The following SOD2 variants were observed in gnomAD, a reference collection of about 807,000 sequenced individuals.
SOD2 encodes superoxide dismutase 2, also known as superoxide dismutase [Mn], mitochondrial.
Under a neutral mutation model 27.0 loss-of-function variants are expected in SOD2, and 11 were observed. The ratio of observed to expected loss-of-function variants is 0.41; its 90% CI spans 0.26 to 0.67. The LOEUF (loss-of-function observed/expected upper bound fraction) is 0.67, where lower values mean the gene tolerates loss of function less well. Ranked by LOEUF, SOD2 falls within the 30% of genes least tolerant of loss-of-function variation. The probability of loss-of-function intolerance (pLI) is 0.34; values close to 1 mark genes in which losing one functional copy is unlikely to be tolerated. For synonymous variants in SOD2, 105 were observed against 103.0 expected (o/e 1.02, Z -0.12); for missense variants, 250 against 274.5 (o/e 0.91, Z 0.63).
intron 1 of SOD2, chr6:159,755,324 GACTT>G: frequency 6.2e-7 from 1 of 1,614,236 alleles, no homozygotes; most frequent in Non-Finnish European, 8.5e-7. Context: ...AACCGAAGAT[GACTT>G]TCCTTCTTCT....
chr6:159,710,736 ACCACCATAACCACCAC>A (rs1562436342), intron 1 of SOD2, among the ~76,000 whole-genome samples: 4 of 150,326 alleles, frequency 2.7e-5, no homozygotes, highest in African/African-American at 9.8e-5. Context: ...CACTGCTCTG[ACCACCATAACCACCAC>A]TCATACTGCT....
intron 1 of SOD2, chr6:159,742,027 T>G (rs535964715): frequency 1.7e-6 from 2 of 1,173,184 alleles, no homozygotes; most frequent in South Asian, 2.7e-5. Context: ...ATAGATATCT[T>G]CTAGTTTATT....
chr6:159,760,066 G>A (rs1780091432), intron 1 of SOD2, among the ~76,000 whole-genome samples: 1 of 152,178 alleles, frequency 6.6e-6, no homozygotes, highest in Admixed American at 6.5e-5. Context: ...GAATTACATG[G>A]TAAGTTGAAA....
chr6:159,740,541 C>A (rs749943091), intron 1 of SOD2, among the ~76,000 whole-genome samples: 1 of 152,226 alleles, frequency 6.6e-6, no homozygotes, highest in African/African-American at 2.4e-5. Context: ...TCTTTTATAG[C>A]CTCCACTGAA....
chr6:159,696,315 A>G (rs1777420742), upstream of SOD2, among the ~76,000 whole-genome samples: 1 of 151,864 alleles, frequency 6.6e-6, no homozygotes. Flanking sequence ...GTCTCCCCCA[A>G]CCTTTTTTTA....
chr6:159,732,168 A>G (rs1274489421), upstream of SOD2, among the ~76,000 whole-genome samples: 2 of 152,086 alleles, frequency 1.3e-5, no homozygotes, highest in Non-Finnish European at 1.5e-5. Context: ...AGTTTGATTG[A>G]AAAAAATCCA....
chr6:159,753,896 A>G (rs889655182), intron 1 of SOD2, among the ~76,000 whole-genome samples: 1 of 152,216 alleles, frequency 6.6e-6, no homozygotes, highest in East Asian at 1.9e-4. Context: ...GTGTTGTATT[A>G]CTTAACAAGA....
At chr6:159,753,249 T>A (rs1330818179) in intron 1 of SOD2, 1 of 619,656 alleles carries the variant, frequency 1.6e-6, no homozygotes, top group Non-Finnish European at 2.7e-6. Flanking sequence ...GTTTGGGCAC[T>A]TTTTGTTTAG....
chr6:159,733,271 T>A (rs750273783), intron 1 of SOD2, among the ~76,000 whole-genome samples: 2 of 152,198 alleles, frequency 1.3e-5, no homozygotes, highest in Non-Finnish European at 2.9e-5. Context: ...TACAATTAGC[T>A]CAGAAACAAA....
intron 1 of SOD2, among the ~76,000 whole-genome samples, chr6:159,752,644 A>G (rs961698486): frequency 5.9e-5 from 9 of 151,842 alleles, no homozygotes; most frequent in Non-Finnish European, 1.2e-4. Flanking sequence ...CTTTTCCAAT[A>G]AAGTCTTAAG....
chr6:159,704,575 G>A (rs1777585931), intron 1 of SOD2, among the ~76,000 whole-genome samples: 1 of 152,228 alleles, frequency 6.6e-6, no homozygotes, highest in South Asian at 2.1e-4. Context: ...GTGAGGCTAG[G>A]GGAGGGGCGC....
At chr6:159,710,395 G>C (rs1289817906) in intron 1 of SOD2, among the ~76,000 whole-genome samples, 1 of 151,878 alleles carries the variant, frequency 6.6e-6, no homozygotes, top group Non-Finnish European at 1.5e-5. Context: ...GTTGCAGTGA[G>C]CCAAGATCGT....
chr6:159,698,143 C>T (rs531435297), upstream of SOD2, among the ~76,000 whole-genome samples: 31 of 152,028 alleles, frequency 2.0e-4, no homozygotes, highest in Non-Finnish European at 2.6e-4. Context: ...CGTGGTGGCA[C>T]GCACCTGTAG....
Position 159,674,148 on chromosome 6 carries a change from G to A in SOD2, c.*8345C>T, listed in dbSNP as rs1463877780. 1 of 152,198 alleles carries A rather than the reference G, an allele frequency of 6.6e-6. No homozygotes were observed. The highest frequency in any genetic ancestry group is 1.5e-5 in the Non-Finnish European group (1 of 68,058). 9.4% of individuals were successfully genotyped at this position (152,198 alleles called of 1,614,324 possible). A position where few individuals can be genotyped will look rare whatever the true frequency, so the allele number is the denominator to read the frequency against. ...AAGTCCAGGACAAGATGGATTCACAGCCGAATTCTACCAGAGGTACAAGGA... is the reference window on the plus strand; with the variant it reads ...AAGTCCAGGACAAGATGGATTCACAACCGAATTCTACCAGAGGTACAAGGA... On this transcript the variant is annotated 3_prime_UTR_variant, in exon 5 of 5. Transcript: ENST00000538183.
At chr6:159,740,137 G>T (rs933581679) in intron 1 of SOD2, among the ~76,000 whole-genome samples, 5 of 151,656 alleles carry the variant, frequency 3.3e-5, no homozygotes, top group Admixed American at 2.0e-4. Context: ...GGGCCACCAT[G>T]CCTGGCCATG....
intron 1 of SOD2, among the ~76,000 whole-genome samples, chr6:159,758,572 G>A (rs559149716): frequency 3.0e-4 from 46 of 152,180 alleles, no homozygotes; most frequent in Non-Finnish European, 6.2e-4. Context: ...GCTGCTCTAC[G>A]TCACTGTCTT....
intron 1 of SOD2, chr6:159,713,272 G>T: frequency 1.4e-6 from 1 of 692,898 alleles, no homozygotes; most frequent in Non-Finnish European, 2.6e-6. Flanking sequence ...AGTCATCATA[G>T]CCTCTATACC....
exon 1 of SOD2, chr6:159,762,180 C>T: frequency 1.3e-6 from 2 of 1,594,530 alleles, no homozygotes; most frequent in South Asian, 1.1e-5. Flanking sequence ...GTCCGAGGCG[C>T]CTGCTGCTTC....
chr6:159,736,501 A>G (rs1008804058), intron 1 of SOD2: 4 of 425,046 alleles, frequency 9.4e-6, no homozygotes, highest in African/African-American at 4.0e-5. Context: ...GAATATTTTC[A>G]GATTTTGGAA....
Sources: allele counts gnomAD v4.1 joint callset (sites outside exome capture counted in the v4.1 genomes callset), GRCh38; gene constraint gnomAD v4.1.1; transcripts MANE v1.5; gene names NCBI Gene and HGNC (gene_info 2026-07-23, HGNC 2026-07-21).